Variants in EML1 observed in about 807,000 individuals in gnomAD.
The protein encoded by EML1 is EMAP like 1.
EML1 carries 27 observed loss-of-function variants against 110.4 expected under a neutral mutation model. The ratio of observed to expected loss-of-function variants is 0.24; its 90% CI spans 0.18 to 0.34. The LOEUF (loss-of-function observed/expected upper bound fraction) is 0.34. Among genes scored for constraint, EML1 ranks in the 10% least tolerant of loss-of-function variants. The pLI is 1.00. For missense variants in EML1, 741 were observed against 1,030.9 expected (o/e 0.72, Z 3.85); for synonymous variants, 344 against 385.8 (o/e 0.89, Z 1.27).
chr14:99,920,967 A>G, intron 17 of EML1, 90 bp downstream of exon 17: 1 of 1,226,128 alleles, frequency 8.2e-7, no homozygotes, highest in Non-Finnish European at 1.2e-6. Flanking sequence ...TCGGTTTGTT[A>G]CATAGGTAAA....
At chr14:99,895,612 A>G (rs967441843) in intron 6 of EML1, among the ~76,000 whole-genome samples, 4 of 152,160 alleles carry the variant, frequency 2.6e-5, no homozygotes, top group African/African-American at 9.7e-5. Flanking sequence ...CCCTTAAACC[A>G]AGTATGGACT....
chr14:99,809,577 C>T (rs541102865), intron 1 of EML1: 27 of 454,042 alleles, frequency 5.9e-5, no homozygotes, highest in African/African-American at 4.4e-4. Context: ...CATCCCAGCC[C>T]TGGGTGTATG....
chr14:99,753,392 C>A (rs1354149531), intron 1 of EML1, among the ~76,000 whole-genome samples: 1 of 151,756 alleles, frequency 6.6e-6, no homozygotes, highest in Non-Finnish European at 1.5e-5. Context: ...CCCTGTGGGC[C>A]CCTCCGGCCT....
chr14:99,871,439 G>T, intron 3 of EML1, among the ~76,000 whole-genome samples: 1 of 152,058 alleles, frequency 6.6e-6, no homozygotes, highest in East Asian at 1.9e-4. Flanking sequence ...CTTGAGGCCA[G>T]GAGTTTGAGA....
At chr14:99,828,880 A>G (rs2058402930) in intron 1 of EML1, among the ~76,000 whole-genome samples, 1 of 152,202 alleles carries the variant, frequency 6.6e-6, no homozygotes, top group Admixed American at 6.5e-5. Flanking sequence ...GGGTCATCAT[A>G]ACGGTCTTCA....
intron 1 of EML1, among the ~76,000 whole-genome samples, chr14:99,837,840 C>A (rs1359302434): frequency 6.6e-6 from 1 of 152,122 alleles, no homozygotes; most frequent in Non-Finnish European, 1.5e-5. Flanking sequence ...TACTCTGTCC[C>A]CCAGGCTGGA....
chr14:99,892,505 T>G (rs1216902330), intron 5 of EML1, among the ~76,000 whole-genome samples: 1 of 152,180 alleles, frequency 6.6e-6, no homozygotes. Flanking sequence ...TATCATGCAC[T>G]GCTGCTGGCC....
chr14:99,832,587 C>T (rs961680424), intron 1 of EML1, among the ~76,000 whole-genome samples: 1 of 152,262 alleles, frequency 6.6e-6, no homozygotes, highest in South Asian at 2.1e-4. Flanking sequence ...TAACTCATTT[C>T]GGTTTTAATT....
intron 4 of EML1, 75 bp from the exon 5 acceptor site, chr14:99,891,124 G>A (rs149892791): frequency 5.1e-6 from 8 of 1,573,518 alleles, no homozygotes; most frequent in Non-Finnish European, 7.0e-6. Context: ...TGCAGCCGTG[G>A]CTTTGGGGTC....
chr14:99,910,481 G>A (rs1393536977), intron 12 of EML1, 140 bp downstream of exon 12: 3 of 618,490 alleles, frequency 4.9e-6, no homozygotes, highest in African/African-American at 1.9e-5. Flanking sequence ...ACACATACAT[G>A]TGTGCATGTG....
intron 2 of EML1, among the ~76,000 whole-genome samples, chr14:99,864,813 A>AT (rs1377020361): frequency 6.6e-6 from 1 of 151,756 alleles, no homozygotes; most frequent in Admixed American, 6.6e-5. Context: ...CTCAAAAAAA[A>AT]AAAAAAAAAA....
At position 99,767,150 on chromosome 14, in the gene EML1, G is replaced by A. The variant is rs147482420; in HGVS notation, c.28+29290G>A. Among the ~76,000 whole-genome samples the A allele has an allele frequency of 7.2e-4, 109 of 152,346 alleles. No individual in the cohort carries two copies. The East Asian group carries it at 0.018, about 25-fold the overall frequency. The stretch of plus-strand genomic sequence containing the variant: ...AGATTTGACTTCTGCTAAAAAGTGG[G>A]CTACAAATTTCTATTTTAAGGAGAA... On this transcript the variant is annotated intron_variant, in intron 1 of 10. Transcript: ENST00000554479.
At chr14:99,830,847 A>G (rs112567832) in intron 1 of EML1, among the ~76,000 whole-genome samples, 14,432 of 152,142 alleles carry the variant, frequency 0.095, 1,358 homozygotes, top group African/African-American at 0.24. Context: ...CACTGCGCCC[A>G]TTTTGGATTA....
At position 99,879,979 on chromosome 14, in the gene EML1, AAATCCT is replaced by A. The variant is rs557248752; in HGVS notation, c.518+1362_518+1367del. Among the ~76,000 whole-genome samples the A allele has an allele frequency of 3.7e-3, 564 of 152,308 alleles. 2 individuals are homozygous for A. The highest frequency in any genetic ancestry group is 4.7e-3 in the Non-Finnish European group (317 of 68,020). On this transcript the variant is annotated intron_variant, in intron 4 of 21. Transcript: ENST00000262233. ...AAACTCCAGATCCATTTTATCTTTA[AAATCCT>A]ATGGCTTTGGTAAATGTGCTGGGTA... is the stretch of plus-strand genomic sequence containing the variant.
At chr14:99,882,871 G>C (rs534880604) in intron 4 of EML1, among the ~76,000 whole-genome samples, 1 of 151,832 alleles carries the variant, frequency 6.6e-6, no homozygotes, top group Non-Finnish European at 1.5e-5. Context: ...GGCATGTTAG[G>C]TGTGGTGCCC....
Position 99,909,276 on chromosome 14 carries a change from T to C in EML1, c.1105-69T>C, listed in dbSNP as rs776576653. The C allele has an allele frequency of 3.7e-6, 6 of 1,608,036 alleles. No individual in the cohort carries two copies. The South Asian group carries it at 4.4e-5, about 12-fold the overall frequency. ...TATTTATTTGTGGCTCACATTTTAC[T>C]TGTTTTCCTACATGTCTCTTACGCG... is the stretch of plus-strand genomic sequence containing the variant. On this transcript the variant is annotated intron_variant, in intron 10 of 21. Transcript: ENST00000262233.
intron 4 of EML1, among the ~76,000 whole-genome samples, chr14:99,885,331 C>T (rs1267754941): frequency 6.6e-6 from 1 of 152,220 alleles, no homozygotes; most frequent in Admixed American, 6.5e-5. Flanking sequence ...CAGACCTGTA[C>T]AGCACATGAC....
chr14:99,744,041 G>T (rs1020743357), intron 1 of EML1, among the ~76,000 whole-genome samples: 19 of 152,038 alleles, frequency 1.2e-4, no homozygotes, highest in Admixed American at 1.0e-3. Context: ...GTGGGTAAAA[G>T]GTCGCCCATA....
At chr14:99,766,915 A>G (rs770323595) in intron 1 of EML1, among the ~76,000 whole-genome samples, 12 of 152,200 alleles carry the variant, frequency 7.9e-5, no homozygotes, top group Non-Finnish European at 1.3e-4. Flanking sequence ...TATAGGAAGC[A>G]AAGTGCAATC....
Sources: allele counts gnomAD v4.1 joint callset (sites outside exome capture counted in the v4.1 genomes callset), GRCh38; gene constraint gnomAD v4.1.1; transcripts MANE v1.5; gene names NCBI Gene and HGNC (gene_info 2026-07-23, HGNC 2026-07-21).